PDGFC: variants seen among roughly 807,000 people sequenced by gnomAD.
The protein encoded by PDGFC is platelet derived growth factor C, also known as platelet-derived growth factor C.
A neutral mutation model predicts 35.5 loss-of-function variants in PDGFC; 12 were observed. The ratio of observed to expected loss-of-function variants is 0.34; its 90% confidence interval spans 0.22 to 0.55. PDGFC has a LOEUF of 0.55. PDGFC is among the 20% of genes least tolerant of loss of function. The pLI is 0.91. For missense variants in PDGFC, 322 were observed against 412.4 expected, an observed-to-expected ratio of 0.78 and a Z score of 1.90; for synonymous variants, 159 against 148.8, an observed-to-expected ratio of 1.07 and a Z score of -0.50.
intron 1 of PDGFC, among the ~76,000 whole-genome samples, chr4:156,858,159 G>A (rs1299611404): frequency 6.6e-6 from 1 of 151,974 alleles, no homozygotes; most frequent in Non-Finnish European, 1.5e-5. Context: ...ATCCCAATTT[G>A]CATCATAAAA....
rs1730761148 is a variant in PDGFC, at chr4:156,774,206, T to C, written c.496-1313A>G. Among the ~76,000 whole-genome samples the C allele has an allele frequency of 2.0e-5, 3 of 152,184 alleles. No homozygotes were observed. In the South Asian group the frequency reaches 6.2e-4, roughly 32 times the overall value. On this transcript the variant is annotated intron_variant, in intron 3 of 5. Coordinates refer to ENST00000502773, the MANE Select transcript of PDGFC (RefSeq NM_016205.3). Reference sequence around the variant, plus strand: ...GACCTCTGCTCACCTTCCACTCTAATCTGCTACTCATCAGAGACATGCATA... The same window carrying C: ...GACCTCTGCTCACCTTCCACTCTAACCTGCTACTCATCAGAGACATGCATA...
chr4:156,885,553 T>C (rs567581963), intron 1 of PDGFC, among the ~76,000 whole-genome samples: 2 of 152,182 alleles, frequency 1.3e-5, no homozygotes, highest in Non-Finnish European at 2.9e-5. Context: ...ATTTAGAGTA[T>C]GCTTTTTTTT....
At chr4:156,902,716 C>A (rs1303303997) in intron 1 of PDGFC, among the ~76,000 whole-genome samples, 1 of 152,034 alleles carries the variant, frequency 6.6e-6, no homozygotes, top group African/African-American at 2.4e-5. Flanking sequence ...GGTTAACAAC[C>A]CATTGCATTC....
chr4:156,761,868 G>A lies in PDGFC; in HGVS notation c.*1222C>T, dbSNP rs1578992166. On this transcript the variant is annotated 3_prime_UTR_variant, in exon 6 of 6. Coordinates refer to ENST00000502773, the MANE Select transcript of PDGFC (RefSeq NM_016205.3). The stretch of plus-strand genomic sequence containing the variant: ...TAAAACCACAACATCACAATAAATA[G>A]GATGTGTTCCTACTGCACAGCACAG... 1 of 152,686 alleles carries A rather than the reference G, an allele frequency of 6.5e-6. No homozygotes were observed. The highest frequency in any genetic ancestry group is 2.4e-5 in the African/African-American group (1 of 41,550). 9.5% of individuals were successfully genotyped at this position (152,686 alleles called of 1,614,324 possible). A position where few individuals can be genotyped will look rare whatever the true frequency, so the allele number is the denominator to read the frequency against.
chr4:156,819,223 G>T (rs1307675450), intron 2 of PDGFC, among the ~76,000 whole-genome samples: 2 of 152,044 alleles, frequency 1.3e-5, no homozygotes, highest in Non-Finnish European at 2.9e-5. Flanking sequence ...GATCAACTAA[G>T]ATAATTGATA....
intron 1 of PDGFC, among the ~76,000 whole-genome samples, chr4:156,864,323 T>C (rs1010208203): frequency 2.6e-5 from 4 of 152,120 alleles, no homozygotes; most frequent in Non-Finnish European, 5.9e-5. Flanking sequence ...TCTGTTTCTA[T>C]GGAATAGAGT....
chr4:156,850,180 A>T, intron 2 of PDGFC, 41 bp downstream of exon 2: 1 of 1,025,598 alleles, frequency 9.8e-7, no homozygotes, highest in Non-Finnish European at 1.4e-6. Context: ...AAGACTTTTA[A>T]CAGTTGTTAC....
chr4:156,926,104 C>T (rs539430471), intron 1 of PDGFC, among the ~76,000 whole-genome samples: 1 of 143,378 alleles, frequency 7.0e-6, no homozygotes, highest in Admixed American at 6.9e-5. Context: ...CTACACTACA[C>T]TATTGACTAA....
At chr4:156,786,859 A>C (rs977892569) in intron 3 of PDGFC, among the ~76,000 whole-genome samples, 10 of 152,150 alleles carry the variant, frequency 6.6e-5, no homozygotes, top group African/African-American at 2.4e-4. Flanking sequence ...CAAGGAAATG[A>C]GTTATATCAT....
chr4:156,889,572 C>T (rs1021462163), intron 1 of PDGFC, among the ~76,000 whole-genome samples: 1 of 152,186 alleles, frequency 6.6e-6, no homozygotes, highest in African/African-American at 2.4e-5. Flanking sequence ...GATGACAATA[C>T]TGTAAGTAGG....
chr4:156,817,589 C>A (rs757327055), intron 2 of PDGFC, among the ~76,000 whole-genome samples: 4 of 152,108 alleles, frequency 2.6e-5, no homozygotes, highest in Non-Finnish European at 5.9e-5. Context: ...GAGAGCATGA[C>A]TAGCTTGGGC....
chr4:156,800,533 A>G (rs1416601688), intron 3 of PDGFC, among the ~76,000 whole-genome samples: 5 of 152,210 alleles, frequency 3.3e-5, no homozygotes, highest in Non-Finnish European at 5.9e-5. Flanking sequence ...TATTAACAGC[A>G]TTACTAAAAT....
chr4:156,841,396 T>C (rs1729201228), intron 2 of PDGFC: 1 of 157,638 alleles, frequency 6.3e-6, no homozygotes. Context: ...GAAGGATGTG[T>C]TTGCTTCCCC....
intron 1 of PDGFC, among the ~76,000 whole-genome samples, chr4:156,884,276 T>C (rs576054825): frequency 6.6e-6 from 1 of 152,310 alleles, no homozygotes; most frequent in African/African-American, 2.4e-5. Flanking sequence ...TCAGGGCTGA[T>C]TCCAAGGTAA....
chr4:156,899,473 C>T (rs894726330), intron 1 of PDGFC, among the ~76,000 whole-genome samples: 1 of 152,158 alleles, frequency 6.6e-6, no homozygotes, highest in African/African-American at 2.4e-5. Flanking sequence ...CTTCATGGAC[C>T]ATTCACTTAC....
intron 1 of PDGFC, among the ~76,000 whole-genome samples, chr4:156,921,686 G>T (rs990885961): frequency 3.3e-5 from 5 of 152,002 alleles, no homozygotes; most frequent in Non-Finnish European, 7.4e-5. Context: ...CAAAAATCAT[G>T]GTCTATTAGA....
At chr4:156,963,636 A>G (rs748214405) in intron 1 of PDGFC, among the ~76,000 whole-genome samples, 2 of 152,288 alleles carry the variant, frequency 1.3e-5, no homozygotes, top group African/African-American at 2.4e-5. Flanking sequence ...ATAACCGTCC[A>G]GGGAGGAGCC....
chr4:156,928,808 A>T (rs571160482), intron 1 of PDGFC, among the ~76,000 whole-genome samples: 4 of 152,350 alleles, frequency 2.6e-5, no homozygotes, highest in Middle Eastern at 3.4e-3. Flanking sequence ...CATTGCTTAC[A>T]AGAGATTCCA....
intron 2 of PDGFC, 133 bp downstream of exon 2, chr4:156,850,088 A>C (rs1373714993): frequency 2.0e-6 from 1 of 496,670 alleles, no homozygotes; most frequent in African/African-American, 2.0e-5. Flanking sequence ...AGCTTCAATA[A>C]GGCTGGAAAT....
Sources: gnomAD v4.1 joint callset for allele counts (sites outside exome capture counted in the v4.1 genomes callset) on GRCh38, gnomAD v4.1.1 for gene constraint, MANE v1.5 for transcripts, NCBI Gene and HGNC (gene_info 2026-07-23, HGNC 2026-07-21) for gene names.